Variants in CHID1 observed in about 807,000 individuals in gnomAD.
CHID1 encodes the protein chitinase domain containing 1, also known as chitinase domain-containing protein 1.
In CHID1, 44 loss-of-function variants were observed where a neutral mutation model predicts 55.4. The ratio of observed to expected loss-of-function variants is 0.79; its 90% CI spans 0.62 to 1.02. CHID1 has a LOEUF of 1.02. CHID1 is among the 50% of genes least tolerant of loss of function. CHID1 has a pLI of 0.00. For missense variants in CHID1, 491 were observed against 515.3 expected (o/e 0.95, Z 0.46); for synonymous variants, 216 against 212.9 (o/e 1.01, Z -0.13).
At position 868,814 on chromosome 11, in the gene CHID1, A is replaced by T. The variant is rs1313998700; in HGVS notation, c.*1044T>A. ...ACCGTCCTCACCCCACGGCATTCTG[A>T]GTGAGGGACGCCCAGGCCCACCCAC... is the stretch of plus-strand genomic sequence containing the variant. On this transcript the variant is annotated 3_prime_UTR_variant, in exon 13 of 13. Coordinates refer to ENST00000323578, the MANE Select transcript of CHID1 (RefSeq NM_023947.4). 6.6e-6 allele frequency: 1 copy of T among 152,020 alleles called. No individual in the cohort carries two copies. The highest frequency in any genetic ancestry group is 2.4e-5 in the African/African-American group (1 of 41,290). The allele number at this position is 152,020 out of a possible 1,614,324, so 9.4% of individuals were successfully genotyped here. A position where few individuals can be genotyped will look rare whatever the true frequency, so the allele number is the denominator to read the frequency against.
At chr11:888,607 T>C (rs1358267406) in intron 8 of CHID1, among the ~76,000 whole-genome samples, 1 of 152,132 alleles carries the variant, frequency 6.6e-6, no homozygotes, top group Admixed American at 6.5e-5. Context: ...GAAAACACCA[T>C]GTTCTGCATT....
chr11:877,176 C>A (rs1849576039), intron 10 of CHID1, among the ~76,000 whole-genome samples: 1 of 152,188 alleles, frequency 6.6e-6, no homozygotes, highest in African/African-American at 2.4e-5. Context: ...CGCTCACATA[C>A]ACACCTTTGT....
At chr11:886,247 C>G (rs1327588105) in intron 8 of CHID1, among the ~76,000 whole-genome samples, 1 of 151,050 alleles carries the variant, frequency 6.6e-6, no homozygotes, top group Non-Finnish European at 1.5e-5. Flanking sequence ...ATCTCTTGAG[C>G]TCAGGAGTTG....
Position 900,917 on chromosome 11 carries a change from C to T in CHID1, c.439+19G>A. On this transcript the variant is annotated intron_variant, in intron 5 of 12. Transcript: ENST00000323578. ...AGTTTGAGCCATCAGGGCCTCCACT[C>T]CTGGCCTGCCGCACTTACCTATGTG... 1 of 1,595,440 alleles carries T rather than the reference C, an allele frequency of 6.3e-7. No individual in the cohort carries two copies. Among genetic ancestry groups the T allele is most frequent in the Non-Finnish European group, 8.5e-7 (1 of 1,172,396 alleles).
At chr11:914,609 C>CGTA, upstream of CHID1, 1 of 1,276,124 alleles carries the variant, frequency 7.8e-7, no homozygotes, top group Non-Finnish European at 1.0e-6. Flanking sequence ...TGGCTCACGC[C>CGTA]GTAATCCCAG....
chr11:896,890 T>C (rs1851357637), intron 7 of CHID1, among the ~76,000 whole-genome samples: 1 of 94,724 alleles, frequency 1.1e-5, no homozygotes, highest in East Asian at 3.6e-4. Context: ...CACGAGCCTG[T>C]CTCAGCACCC....
intron 10 of CHID1, among the ~76,000 whole-genome samples, chr11:872,746 G>A (rs566244605): frequency 6.6e-6 from 1 of 152,354 alleles, no homozygotes; most frequent in South Asian, 2.1e-4. Context: ...AATATCTGCT[G>A]GGTGGCTCTG....
At chr11:897,142 A>C (rs1431674077) in intron 7 of CHID1, among the ~76,000 whole-genome samples, 2 of 65,638 alleles carry the variant, frequency 3.0e-5, no homozygotes, top group Non-Finnish European at 6.0e-5. Flanking sequence ...CCCAGCCTCC[A>C]CCCCGACACG....
At chr11:891,401 G>A (rs1250464946) in intron 8 of CHID1, among the ~76,000 whole-genome samples, 9 of 152,326 alleles carry the variant, frequency 5.9e-5, no homozygotes, top group Admixed American at 5.9e-4. Context: ...AAATGGAGTT[G>A]TGAGCTTTGG....
rs569770877 is a variant in CHID1 at position 884,175 on chromosome 11, A to G, written c.702-6T>C. Reference sequence around the variant, plus strand: ...ACATGCCCAGCTGGTCGGTCCTGTAACAGACAGGTGCAGCCACCTCAGGCT... The same window carrying G: ...ACATGCCCAGCTGGTCGGTCCTGTAGCAGACAGGTGCAGCCACCTCAGGCT... On this transcript the variant is annotated splice_polypyrimidine_tract_variant and splice_region_variant and intron_variant, in intron 8 of 12. Transcript: ENST00000323578. 1 of 1,612,714 alleles carries G rather than the reference A, an allele frequency of 6.2e-7. No homozygotes were observed. Among genetic ancestry groups the G allele is most frequent in the Admixed American group, 1.7e-5 (1 of 59,984 alleles).
In CHID1 at chr11:888,079, T is replaced by C. The variant is rs1030998202; in HGVS notation, c.702-3910A>G. On this transcript the variant is annotated intron_variant, in intron 8 of 12. Transcript: ENST00000323578. The stretch of plus-strand genomic sequence containing the variant: ...CGCCCCTCAGTGCAGCATGCTGACA[T>C]GTGACATGCCTGTGGCACAGCTTGC... Among the ~76,000 whole-genome samples the C allele has an allele frequency of 2.0e-5, 3 of 152,222 alleles. 1 individual carries two copies. The highest frequency in any genetic ancestry group is 2.0e-4 in the Admixed American group (3 of 15,290).
intron 7 of CHID1, among the ~76,000 whole-genome samples, chr11:899,000 G>A (rs1851600714): frequency 6.6e-6 from 1 of 152,234 alleles, no homozygotes; most frequent in African/African-American, 2.4e-5. Flanking sequence ...TCAACCTGCT[G>A]TCACCATCTG....
rs551497447 is a variant in CHID1, at chr11:909,940, C to T, written c.-44+835G>A. On this transcript the variant is annotated intron_variant, in intron 1 of 12. Coordinates refer to ENST00000323578, the MANE Select transcript of CHID1 (RefSeq NM_023947.4). The stretch of plus-strand genomic sequence containing the variant: ...CTGGGTGCAGTGGTGTGCGCCTGTA[C>T]TCCCAGCAACTCGGGAGACTGAGGC... Among the ~76,000 whole-genome samples the T allele has an allele frequency of 5.3e-5, 8 of 152,202 alleles. No individual in the cohort carries two copies. In the South Asian group the frequency reaches 1.2e-3, roughly 24 times the overall value.
intron 8 of CHID1, among the ~76,000 whole-genome samples, chr11:892,363 C>T (rs1589863137): frequency 1.3e-5 from 2 of 152,218 alleles, no homozygotes; most frequent in East Asian, 3.9e-4. Flanking sequence ...GGGAGGCTCC[C>T]CAGGGCTCGG....
chr11:884,021 C>T lies in CHID1; in HGVS notation c.803+47G>A, dbSNP rs201719653. 85 of 1,420,508 alleles carry T rather than the reference C, an allele frequency of 6.0e-5. No homozygotes were observed. The African/African-American group carries it at 1.1e-3, about 19-fold the overall frequency. 88.0% of individuals were successfully genotyped at this position (1,420,508 alleles called of 1,614,324 possible). On this transcript the variant is annotated intron_variant, in intron 9 of 12. Transcript: ENST00000323578. ...CCCCCCAGGTCCACACTCACTGCTGCACTGTGGAGTTTGCTGTGCCCAGGA... is the reference window on the plus strand; with the variant it reads ...CCCCCCAGGTCCACACTCACTGCTGTACTGTGGAGTTTGCTGTGCCCAGGA...
chr11:877,923 CATGGACTAGTGGGTTA>C (rs1463340774), intron 10 of CHID1, among the ~76,000 whole-genome samples: 1 of 152,164 alleles, frequency 6.6e-6, no homozygotes, highest in Admixed American at 6.5e-5. Context: ...TTAATCCATT[CATGGACTAGTGGGTTA>C]ATGGACCAGT....
chr11:914,566 A>G, upstream of CHID1: 3 of 1,289,232 alleles, frequency 2.3e-6, no homozygotes, highest in African/African-American at 1.5e-5. Flanking sequence ...CCTCTCACAG[A>G]CATCCTCAAA....
chr11:869,890 GGCCCAGCTCCCAGATAGAGACCCCAAC>G lies in CHID1; in HGVS notation c.1123_1149del (p.Val375_Gly383del), dbSNP rs754109159. 8.1e-6 allele frequency: 13 copies of G among 1,613,084 alleles called. No individual in the cohort carries two copies. Among genetic ancestry groups the G allele is most frequent in the Non-Finnish European group, 1.1e-5 (13 of 1,179,964 alleles). The stretch of plus-strand genomic sequence containing the variant: ...AGGTCGTAGAAGTAGTCCAGGCCCT[GGCCCAGCTCCCAGATAGAGACCCCAAC>G]GCCCAGCTCCCGGGCCAGCTCCAGC... On this transcript the variant is annotated inframe_deletion, in exon 13 of 13. Transcript: ENST00000323578.
chr11:888,958 G>A (rs1453084908), intron 8 of CHID1, among the ~76,000 whole-genome samples: 5 of 152,202 alleles, frequency 3.3e-5, no homozygotes, highest in African/African-American at 9.6e-5. Flanking sequence ...CCTCCAGACG[G>A]CTGGACGCGC....
Sources: allele counts gnomAD v4.1 joint callset (sites outside exome capture counted in the v4.1 genomes callset), GRCh38; gene constraint gnomAD v4.1.1; transcripts MANE v1.5; gene names NCBI Gene and HGNC (gene_info 2026-07-23, HGNC 2026-07-21).